The following TMEM132D variants were observed in gnomAD, a reference collection of about 807,000 sequenced individuals.
TMEM132D encodes mature OL transmembrane protein.
TMEM132D carries 21 observed loss-of-function variants against 62.3 expected under a neutral mutation model. The ratio of observed to expected loss-of-function variants is 0.34; its 90% CI spans 0.24 to 0.49. The LOEUF (loss-of-function observed/expected upper bound fraction) is 0.49, where lower values mean the gene tolerates loss of function less well. Ranked by LOEUF, TMEM132D falls within the 20% of genes least tolerant of loss-of-function variation. The probability of loss-of-function intolerance (pLI) is 0.99; values close to 1 mark genes in which losing one functional copy is unlikely to be tolerated. For synonymous variants in TMEM132D, 621 were observed against 575.6 expected (o/e 1.08, Z -1.13); for missense variants, 1,346 against 1,402.8 (o/e 0.96, Z 0.65).
chr12:129,188,772 AG>A (rs1878298202), intron 5 of TMEM132D, among the ~76,000 whole-genome samples: 1 of 29,828 alleles, frequency 3.4e-5, no homozygotes, highest in Non-Finnish European at 7.2e-5. Flanking sequence ...GGAGAGAGAG[AG>A]AGAGAGAGAG....
chr12:129,690,680 A>G (rs669356), intron 2 of TMEM132D, among the ~76,000 whole-genome samples: 33,722 of 152,098 alleles, frequency 0.22, 4,076 homozygotes, highest in Middle Eastern at 0.28. Flanking sequence ...TAACAAATGC[A>G]CAACAAAATA....
chr12:129,611,544 A>C (rs1297344242), intron 2 of TMEM132D, among the ~76,000 whole-genome samples: 1 of 152,168 alleles, frequency 6.6e-6, no homozygotes, highest in Non-Finnish European at 1.5e-5. Flanking sequence ...TTAGCACAAC[A>C]AACTTTTTCA....
chr12:129,462,127 C>T lies in TMEM132D; in HGVS notation c.1115+68932G>A, dbSNP rs572345325. On this transcript the variant is annotated intron_variant, in intron 3 of 8. Coordinates refer to ENST00000422113, the MANE Select transcript of TMEM132D (RefSeq NM_133448.3). ...TTCTACTGTAAGAAAAGTCCTTAGA[C>T]AGGAATGGTGGGAGAGAAGGGGAGA... Among the ~76,000 whole-genome samples, 47 of 152,186 alleles carry T rather than the reference C, an allele frequency of 3.1e-4. 1 individual carries two copies. Among genetic ancestry groups the T allele is most frequent in the African/African-American group, 1.1e-3 (45 of 41,542 alleles).
chr12:129,094,733 G>A (rs1426440823), intron 5 of TMEM132D, among the ~76,000 whole-genome samples: 8 of 152,138 alleles, frequency 5.3e-5, no homozygotes, highest in African/African-American at 1.2e-4. Context: ...ACATGCATAC[G>A]TATGTTTATA....
At chr12:129,237,297 A>C (rs1593306784) in intron 4 of TMEM132D, among the ~76,000 whole-genome samples, 1 of 152,126 alleles carries the variant, frequency 6.6e-6, no homozygotes, top group East Asian at 1.9e-4. Flanking sequence ...TATATATACA[A>C]TAATCTCTTT....
Position 129,384,925 on chromosome 12 carries a change from G to A in TMEM132D, c.1116-47108C>T, listed in dbSNP as rs1280684325. 2.0e-5 allele frequency among the ~76,000 whole-genome samples: 3 copies of A among 152,008 alleles called. No individual in the cohort carries two copies. In the East Asian group the frequency reaches 5.8e-4, roughly 29 times the overall value. On this transcript the variant is annotated intron_variant, in intron 3 of 8. Coordinates refer to ENST00000422113, the MANE Select transcript of TMEM132D (RefSeq NM_133448.3). ...AAGGAAGCACCTTTCCCATTTACTAGATTTGAGCCCATCAGCCCACCTGCA... is the reference window on the plus strand; with the variant it reads ...AAGGAAGCACCTTTCCCATTTACTAAATTTGAGCCCATCAGCCCACCTGCA...
At chr12:129,432,864 G>T (rs1040822953) in intron 3 of TMEM132D, among the ~76,000 whole-genome samples, 2 of 152,168 alleles carry the variant, frequency 1.3e-5, no homozygotes, top group African/African-American at 4.8e-5. Flanking sequence ...CAATGTTACA[G>T]ATCAACACAC....
chr12:129,818,545 T>A (rs1027742846), intron 1 of TMEM132D, among the ~76,000 whole-genome samples: 1 of 150,138 alleles, frequency 6.7e-6, no homozygotes, highest in Non-Finnish European at 1.5e-5. Context: ...GGTGCATATA[T>A]GTGTGTGGTG....
chr12:129,505,697 G>A (rs1875308714), intron 3 of TMEM132D, among the ~76,000 whole-genome samples: 1 of 152,114 alleles, frequency 6.6e-6, no homozygotes, highest in Non-Finnish European at 1.5e-5. Context: ...ATAAATTTGG[G>A]AACTCCAGTG....
At chr12:129,536,417 T>C (rs1876391567) in intron 2 of TMEM132D, among the ~76,000 whole-genome samples, 2 of 152,232 alleles carry the variant, frequency 1.3e-5, no homozygotes, top group Admixed American at 6.5e-5. Flanking sequence ...AGCTTCATTT[T>C]TTTTATAGGT....
chr12:129,340,341 G>A (rs1034187845), intron 3 of TMEM132D, among the ~76,000 whole-genome samples: 9 of 152,016 alleles, frequency 5.9e-5, no homozygotes, highest in African/African-American at 2.2e-4. Flanking sequence ...AAGTTCTAGG[G>A]TACATGTGCA....
At chr12:129,702,290 A>G (rs1318128759) in intron 1 of TMEM132D, among the ~76,000 whole-genome samples, 4 of 152,184 alleles carry the variant, frequency 2.6e-5, no homozygotes, top group Non-Finnish European at 5.9e-5. Context: ...CCCAAATGAC[A>G]ATTTCCTAGG....
intron 4 of TMEM132D, among the ~76,000 whole-genome samples, chr12:129,265,552 C>T (rs565249932): frequency 2.2e-4 from 34 of 152,266 alleles, no homozygotes; most frequent in South Asian, 1.9e-3. Context: ...GTGTCCCTCC[C>T]GGCCCTCATG....
chr12:129,756,010 A>G (rs535602573), intron 1 of TMEM132D, among the ~76,000 whole-genome samples: 20 of 152,314 alleles, frequency 1.3e-4, no homozygotes, highest in African/African-American at 4.8e-4. Context: ...TGACAGGCCT[A>G]TTTCACCAGG....
At position 129,293,467 on chromosome 12, in the gene TMEM132D, G is replaced by A. The variant is rs143272427; in HGVS notation, c.1299+44167C>T. 2.5e-3 allele frequency among the ~76,000 whole-genome samples: 373 copies of A among 152,234 alleles called. 2 individuals carry two copies. The highest frequency in any genetic ancestry group is 8.4e-3 in the African/African-American group (348 of 41,540). On this transcript the variant is annotated intron_variant, in intron 4 of 8. Transcript: ENST00000422113. ...GACAATTTTTCCAAAGACGGGTGGC[G>A]GGATGGTTTTGGGATGATTCAAGTG...
intron 2 of TMEM132D, among the ~76,000 whole-genome samples, chr12:129,601,702 G>T (rs1420607773): frequency 6.8e-6 from 1 of 146,180 alleles, no homozygotes; most frequent in African/African-American, 2.4e-5. Flanking sequence ...GCTGTCTGTG[G>T]GGCAGTCAGA....
intron 2 of TMEM132D, among the ~76,000 whole-genome samples, chr12:129,583,459 A>G (rs1263714337): frequency 1.3e-5 from 2 of 152,226 alleles, no homozygotes; most frequent in African/African-American, 4.8e-5. Flanking sequence ...TCACAGAACT[A>G]TACACCACAA....
At chr12:129,458,396 A>AG (rs1235867786) in intron 3 of TMEM132D, among the ~76,000 whole-genome samples, 4 of 97,612 alleles carry the variant, frequency 4.1e-5, no homozygotes, top group Non-Finnish European at 2.2e-5. Context: ...GAGTGGGCAG[A>AG]GGTTTTTTTT....
chr12:129,113,234 T>G lies in TMEM132D; in HGVS notation c.1444-28532A>C, dbSNP rs373315840. 1.8e-4 allele frequency: 27 copies of G among 152,276 alleles called. No homozygotes were observed. The East Asian group carries it at 5.0e-3, about 28-fold the overall frequency. 9.4% of individuals were successfully genotyped at this position (152,276 alleles called of 1,614,324 possible). A position where few individuals can be genotyped will look rare whatever the true frequency, so the allele number is the denominator to read the frequency against. On this transcript the variant is annotated intron_variant, in intron 5 of 8. Transcript: ENST00000422113. ...AACTTCAGTCAGTTGGAGGGATGGATTTGAGATTTGCCTTCTGTCTCTCAG... is the reference window on the plus strand; with the variant it reads ...AACTTCAGTCAGTTGGAGGGATGGAGTTGAGATTTGCCTTCTGTCTCTCAG...
Sources: gnomAD v4.1 joint callset for allele counts (sites outside exome capture counted in the v4.1 genomes callset) on GRCh38, gnomAD v4.1.1 for gene constraint, MANE v1.5 for transcripts, NCBI Gene and HGNC (gene_info 2026-07-23, HGNC 2026-07-21) for gene names.